The following PLEKHD1 variants were observed in gnomAD, a reference collection of about 807,000 sequenced individuals.
The protein encoded by PLEKHD1 is pleckstrin homology and coiled-coil domain containing D1.
Under a neutral mutation model 69.2 loss-of-function variants are expected in PLEKHD1, and 51 were observed. The observed-to-expected ratio is 0.74, with a 90% confidence interval of 0.59 to 0.93. PLEKHD1 has a LOEUF of 0.93. Among genes scored for constraint, PLEKHD1 ranks in the 40% least tolerant of loss-of-function variants. The pLI, the probability that PLEKHD1 is intolerant of heterozygous loss-of-function variation, is 0.00. For missense variants in PLEKHD1, 584 were observed against 641.0 expected, an observed-to-expected ratio of 0.91 and a Z score of 0.96; for synonymous variants, 236 against 244.7, an observed-to-expected ratio of 0.96 and a Z score of 0.33.
the PLEKHD1 span, among the ~76,000 whole-genome samples, chr14:69,473,361 G>A: frequency 1.9e-4 from 15 of 78,264 alleles, no homozygotes; most frequent in African/African-American, 5.5e-4. Context: ...CCCTCTCCCC[G>A]CCCCAGCTGC....
At chr14:69,482,056 T>C (rs1566934038), upstream of PLEKHD1, among the ~76,000 whole-genome samples, 1 of 152,340 alleles carries the variant, frequency 6.6e-6, no homozygotes, top group African/African-American at 2.4e-5. Flanking sequence ...CTCAAGTATC[T>C]AGTGGTTGAT....
chr14:69,504,612 A>G (rs1233690856), intron 6 of PLEKHD1, among the ~76,000 whole-genome samples: 1 of 152,184 alleles, frequency 6.6e-6, no homozygotes, highest in Non-Finnish European at 1.5e-5. Flanking sequence ...ATCCAACAGG[A>G]CAATCCACCC....
chr14:69,496,281 T>A (rs541457059), intron 1 of PLEKHD1, among the ~76,000 whole-genome samples: 1 of 152,172 alleles, frequency 6.6e-6, no homozygotes, highest in Non-Finnish European at 1.5e-5. Flanking sequence ...GCTCCAGAAG[T>A]GACAGGAAGG....
intron 1 of PLEKHD1, among the ~76,000 whole-genome samples, chr14:69,489,742 G>A (rs1197687654): frequency 6.6e-6 from 1 of 152,084 alleles, no homozygotes; most frequent in Non-Finnish European, 1.5e-5. Context: ...CAAACTGTGT[G>A]CCACAAATGA....
At chr14:69,476,610 C>G in the PLEKHD1 span, among the ~76,000 whole-genome samples, 1 of 152,022 alleles carries the variant, frequency 6.6e-6, no homozygotes, top group African/African-American at 2.4e-5. Flanking sequence ...CTAAAGAAGT[C>G]TTTGGGCTGA....
At chr14:69,477,944 C>A in the PLEKHD1 span, among the ~76,000 whole-genome samples, 253 of 152,338 alleles carry the variant, frequency 1.7e-3, 4 homozygotes, top group East Asian at 0.043. Flanking sequence ...TAGGCAATGT[C>A]CCAGTAGGGA....
intron 1 of PLEKHD1, among the ~76,000 whole-genome samples, chr14:69,490,573 G>A (rs1882756539): frequency 6.6e-6 from 1 of 152,138 alleles, no homozygotes; most frequent in South Asian, 2.1e-4. Context: ...CTTGTTCCAG[G>A]GGGACTAAGT....
chr14:69,522,217 G>T, intron 6 of PLEKHD1, 66 bp from the exon 7 acceptor site: 1 of 1,429,146 alleles, frequency 7.0e-7, no homozygotes, highest in South Asian at 1.2e-5. Flanking sequence ...GGGATAGAGT[G>T]GGGGATCCTG....
chr14:69,500,839 T>C (rs1250178128), intron 3 of PLEKHD1, 32 bp from the exon 4 acceptor site: 15 of 1,551,194 alleles, frequency 9.7e-6, no homozygotes, highest in Admixed American at 2.0e-5. Context: ...TGGCTGCCTC[T>C]CAGGCATGCG....
intron 6 of PLEKHD1, among the ~76,000 whole-genome samples, chr14:69,505,704 A>G (rs895399988): frequency 6.6e-6 from 1 of 152,202 alleles, no homozygotes; most frequent in Non-Finnish European, 1.5e-5. Flanking sequence ...AACGCGGGGA[A>G]GGGATTTGTG....
At chr14:69,507,504 C>G (rs1883178388) in intron 6 of PLEKHD1, among the ~76,000 whole-genome samples, 1 of 152,260 alleles carries the variant, frequency 6.6e-6, no homozygotes, top group African/African-American at 2.4e-5. Flanking sequence ...CATACATTTT[C>G]AGTTTATTTG....
intron 1 of PLEKHD1, 130 bp downstream of exon 1, chr14:69,485,244 C>A: frequency 1.8e-6 from 2 of 1,102,180 alleles, no homozygotes; most frequent in Non-Finnish European, 2.5e-6. Flanking sequence ...CCTTTTCACT[C>A]TACACTGGCT....
chr14:69,517,154 G>C (rs1020822049), intron 6 of PLEKHD1, among the ~76,000 whole-genome samples: 1 of 151,996 alleles, frequency 6.6e-6, no homozygotes, highest in African/African-American at 2.4e-5. Flanking sequence ...GGGGCAATAC[G>C]AACTGGACTT....
At chr14:69,520,625 A>G (rs556256079) in intron 6 of PLEKHD1, among the ~76,000 whole-genome samples, 108 of 152,232 alleles carry the variant, frequency 7.1e-4, no homozygotes, top group Middle Eastern at 3.4e-3. Flanking sequence ...GCTACTCGGG[A>G]GGCTGGAGCA....
rs189187188 is a variant in PLEKHD1 at position 69,526,819 on chromosome 14, G to A, written c.1046G>A (p.Arg349Gln). 97 of 1,544,748 alleles carry A rather than the reference G, an allele frequency of 6.3e-5. No individual in the cohort carries two copies. In the East Asian group the frequency reaches 2.2e-3, roughly 35 times the overall value. The change falls in exon 10 of 13, where the codon CGG (arginine) becomes CAG (glutamine). Residue 349 changes from arginine (R) to glutamine (Q), a missense_variant. Physicochemically the swap from Arg to Gln is conservative, Grantham distance 43. Coordinates refer to ENST00000322564, the MANE Select transcript of PLEKHD1 (RefSeq NM_001161498.2). ...ACGGCAGAGAAGCAGCAGGCTGAGC[G>A]GGAGCTCAAGGTGCGACCTGGCCTG... is the stretch of plus-strand genomic sequence containing the variant. ...ELTAEKQQAE[R>Q]ELKAEVKVRM...
intron 2 of PLEKHD1, 143 bp from the exon 3 acceptor site, chr14:69,500,434 T>C: frequency 1.4e-6 from 1 of 718,518 alleles, no homozygotes; most frequent in East Asian, 2.7e-5. Flanking sequence ...TGAACATCAG[T>C]TCTGGCCTCT....
chr14:69,526,914 T>A, intron 10 of PLEKHD1, 85 bp downstream of exon 10: 1 of 1,437,668 alleles, frequency 7.0e-7, no homozygotes, highest in South Asian at 1.5e-5. Context: ...GGTAGCTGCA[T>A]GAATTATCTC....
intron 6 of PLEKHD1, among the ~76,000 whole-genome samples, chr14:69,516,582 T>A (rs565885501): frequency 3.5e-4 from 54 of 152,322 alleles, no homozygotes; most frequent in African/African-American, 1.1e-3. Context: ...ATTTAAATAA[T>A]CTTCTATTTT....
chr14:69,513,342 CAG>C (rs1883314267), intron 6 of PLEKHD1, among the ~76,000 whole-genome samples: 1 of 152,068 alleles, frequency 6.6e-6, no homozygotes, highest in Non-Finnish European at 1.5e-5. Flanking sequence ...AGCAGATTGA[CAG>C]AGACTCCAGG....
Sources: gnomAD v4.1 joint callset for allele counts (sites outside exome capture counted in the v4.1 genomes callset) on GRCh38, gnomAD v4.1.1 for gene constraint, MANE v1.5 for transcripts, NCBI Gene and HGNC (gene_info 2026-07-23, HGNC 2026-07-21) for gene names.